The following SSH2 variants were observed in gnomAD, a reference collection of about 807,000 sequenced individuals.
SSH2 encodes slingshot protein phosphatase 2, also known as protein phosphatase Slingshot homolog 2.
SSH2 carries 37 observed loss-of-function variants against 135.2 expected under a neutral mutation model. The ratio of observed to expected loss-of-function variants is 0.27; its 90% CI spans 0.21 to 0.36. The LOEUF (loss-of-function observed/expected upper bound fraction) is 0.36, where lower values mean the gene tolerates loss of function less well. Ranked by LOEUF, SSH2 falls within the 10% of genes least tolerant of loss-of-function variation. The pLI is 1.00. For synonymous variants in SSH2, 628 were observed against 646.2 expected (o/e 0.97, Z 0.43); for missense variants, 1,408 against 1,765.3 (o/e 0.80, Z 3.63).
At chr17:29,844,116 G>A (rs903934150) in intron 2 of SSH2, among the ~76,000 whole-genome samples, 1 of 151,438 alleles carries the variant, frequency 6.6e-6, no homozygotes. Context: ...CCTTTCACTG[G>A]GCTATTCAAA....
At chr17:29,736,238 C>T (rs1431807325) in intron 3 of SSH2, among the ~76,000 whole-genome samples, 2 of 122,016 alleles carry the variant, frequency 1.6e-5, no homozygotes, top group East Asian at 2.1e-4. Context: ...AATTCATTAA[C>T]ATTAAATCTG....
rs569795724 is a variant in SSH2 at position 29,714,559 on chromosome 17, A to G, written c.189-11497T>C. Among the ~76,000 whole-genome samples the G allele has an allele frequency of 5.9e-5, 9 of 152,082 alleles. No individual in the cohort carries two copies. In the East Asian group the frequency reaches 1.7e-3, roughly 29 times the overall value. ...TTTTTTTAACCCCTTATCTTGTCCAATCTTCTTTCCCCAATTCCCCAAATC... is the reference window on the plus strand; with the variant it reads ...TTTTTTTAACCCCTTATCTTGTCCAGTCTTCTTTCCCCAATTCCCCAAATC... On this transcript the variant is annotated intron_variant, in intron 3 of 15. Transcript: ENST00000540801.
At chr17:29,689,264 G>A (rs1476994086) in intron 5 of SSH2, among the ~76,000 whole-genome samples, 2 of 152,130 alleles carry the variant, frequency 1.3e-5, no homozygotes, top group Non-Finnish European at 2.9e-5. Context: ...CTGGTTTAAG[G>A]TTTATTTCGT....
At chr17:29,672,898 G>T (rs1244010853) in intron 8 of SSH2, among the ~76,000 whole-genome samples, 2 of 152,026 alleles carry the variant, frequency 1.3e-5, no homozygotes, top group Non-Finnish European at 2.9e-5. Context: ...GTCGAGACGG[G>T]TTTTTGCCAT....
chr17:29,693,553 C>T (rs1229500950), intron 5 of SSH2, among the ~76,000 whole-genome samples: 1 of 152,114 alleles, frequency 6.6e-6, no homozygotes, highest in Non-Finnish European at 1.5e-5. Flanking sequence ...CTCAAATGAT[C>T]TGCCCACCTC....
Position 29,631,058 on chromosome 17 carries a change from G to A in SSH2, c.4136C>T (p.Ser1379Phe). Residue 1379 changes from serine (S) to phenylalanine (F), a missense_variant, in exon 16 of 16, where the codon TCT becomes TTT. Ser to Phe is a radical substitution (Grantham distance 155, BLOSUM62 -2). Around this residue, in one of 3 missense-constraint regions of SSH2, gnomAD observed 1,080 missense variants for 1,144.5 expected, o/e 0.94. Transcript: ENST00000540801. Reference sequence around the variant, plus strand: ...CCTGGGGAGCAAATACTGCTGACTAGAACCAAATTCTTTGGCATACTGCAC... The same window carrying A: ...CCTGGGGAGCAAATACTGCTGACTAAAACCAAATTCTTTGGCATACTGCAC... Reference protein sequence around the residue: ...PLVQYAKEFGSSQQYLLPRAG... With the variant: ...PLVQYAKEFGFSQQYLLPRAG... 6.2e-7 allele frequency: 1 copy of A among 1,614,216 alleles called. No individual in the cohort carries two copies. The highest frequency in any genetic ancestry group is 8.5e-7 in the Non-Finnish European group (1 of 1,180,042).
intron 3 of SSH2, among the ~76,000 whole-genome samples, chr17:29,726,050 TG>T (rs1188346374): frequency 1.3e-5 from 2 of 152,210 alleles, no homozygotes; most frequent in African/African-American, 4.8e-5. Context: ...GGTGCACTGC[TG>T]TTTTAGGTAA....
In SSH2 at chr17:29,684,555, C is replaced by T. The variant is rs1253485828; in HGVS notation, c.479+8G>A. ...CAGTTTTCACATTTTGAAATGGTAC[C>T]ACCATACCTGTCATTAGAGGAGAAA... On this transcript the variant is annotated splice_region_variant and intron_variant, in intron 6 of 15. Transcript: ENST00000540801. 6.2e-7 allele frequency: 1 copy of T among 1,606,630 alleles called. No individual in the cohort carries two copies. The highest frequency in any genetic ancestry group is 1.3e-5 in the African/African-American group (1 of 74,286).
chr17:29,706,075 A>T (rs2039188502), intron 3 of SSH2, among the ~76,000 whole-genome samples: 1 of 152,198 alleles, frequency 6.6e-6, no homozygotes, highest in Non-Finnish European at 1.5e-5. Flanking sequence ...GAATGAATTT[A>T]TCCCAGTTTT....
chr17:29,888,729 T>G (rs1157990151), intron 1 of SSH2, among the ~76,000 whole-genome samples: 2 of 142,856 alleles, frequency 1.4e-5, no homozygotes, highest in African/African-American at 2.6e-5. Context: ...AGGCCAGGAG[T>G]GTGAGACCAG....
chr17:29,779,408 G>A (rs2041786309), intron 3 of SSH2, among the ~76,000 whole-genome samples: 1 of 152,134 alleles, frequency 6.6e-6, no homozygotes, highest in Non-Finnish European at 1.5e-5. Flanking sequence ...TTAAGAAAAT[G>A]AGAAGACAGC....
At chr17:29,727,038 A>AT (rs1227277846) in intron 3 of SSH2, among the ~76,000 whole-genome samples, 1 of 152,204 alleles carries the variant, frequency 6.6e-6, no homozygotes, top group African/African-American at 2.4e-5. Context: ...ACACATGTCT[A>AT]TATCATTTCC....
At chr17:29,842,159 A>G (rs1168343906) in intron 2 of SSH2, among the ~76,000 whole-genome samples, 2 of 151,744 alleles carry the variant, frequency 1.3e-5, no homozygotes, top group Admixed American at 6.6e-5. Context: ...TTATTAATTT[A>G]AAAGATCATC....
At chr17:29,633,325 A>G (rs933455411) in intron 15 of SSH2, among the ~76,000 whole-genome samples, 7 of 152,222 alleles carry the variant, frequency 4.6e-5, no homozygotes, top group African/African-American at 1.7e-4. Context: ...CCCGTGGCCT[A>G]TCAACTTCTA....
At chr17:29,669,806 A>G (rs760970972) in intron 9 of SSH2, among the ~76,000 whole-genome samples, 5 of 152,190 alleles carry the variant, frequency 3.3e-5, no homozygotes, top group Non-Finnish European at 5.9e-5. Flanking sequence ...TTAGGGATGT[A>G]AAGAGAGTAA....
intron 3 of SSH2, among the ~76,000 whole-genome samples, chr17:29,785,809 T>C (rs1453920323): frequency 1.4e-5 from 2 of 144,988 alleles, no homozygotes; most frequent in East Asian, 4.1e-4. Flanking sequence ...CGTTTACTTT[T>C]TTTTTTTTTT....
At chr17:29,653,327 C>T (rs2151005627) in intron 12 of SSH2, among the ~76,000 whole-genome samples, 1 of 152,228 alleles carries the variant, frequency 6.6e-6, no homozygotes, top group African/African-American at 2.4e-5. Context: ...ATTTAACAAT[C>T]ACTGAATTTA....
rs367599119 is a variant in SSH2, at chr17:29,631,792, C to G, written c.3402G>C (p.Leu1134=). Residue 1134 remains leucine (L), a synonymous_variant, in exon 16 of 16, where the codon CTG becomes CTC. Transcript: ENST00000540801. ...LSSPEDRGSS[L]STALETAAPF... is the part of the protein sequence containing the mutation. ...GTGCTGCTGTCTCCAGGGCTGTGGA[C>G]AGGCTGCTGCCTCTGTCTTCAGGGC... 2.9e-5 allele frequency: 47 copies of G among 1,614,094 alleles called. No individual in the cohort carries two copies. The East Asian group carries it at 1.0e-3, about 35-fold the overall frequency.
intron 3 of SSH2, among the ~76,000 whole-genome samples, chr17:29,791,295 AG>A (rs1333188469): frequency 2.0e-5 from 3 of 152,076 alleles, no homozygotes; most frequent in Admixed American, 2.0e-4. Flanking sequence ...CATGTTGGCC[AG>A]GTTGCTCTTG....
Sources: allele counts gnomAD v4.1 joint callset (sites outside exome capture counted in the v4.1 genomes callset), GRCh38; gene constraint gnomAD v4.1.1; regional missense constraint gnomAD v4.1.1; transcripts MANE v1.5; gene names NCBI Gene and HGNC (gene_info 2026-07-23, HGNC 2026-07-21).